VPS13C: variants seen among roughly 807,000 people sequenced by gnomAD.
VPS13C encodes vacuolar protein sorting 13 homolog C.
In VPS13C, 358 loss-of-function variants were observed where a neutral mutation model predicts 456.8. The observed-to-expected ratio is 0.78, with a 90% CI of 0.72 to 0.86. The LOEUF (loss-of-function observed/expected upper bound fraction) is 0.86, where lower values mean the gene tolerates loss of function less well. VPS13C is among the 40% of genes least tolerant of loss of function. The pLI is 0.00. For missense variants in VPS13C, 4,818 were observed against 4,385.4 expected (o/e 1.10, Z -2.79); for synonymous variants, 1,578 against 1,486.7 (o/e 1.06, Z -1.41).
intron 66 of VPS13C, among the ~76,000 whole-genome samples, chr15:61,906,166 T>C (rs1444809539): frequency 6.6e-6 from 1 of 152,188 alleles, no homozygotes; most frequent in African/African-American, 2.4e-5. Flanking sequence ...TGATTTTCTT[T>C]GAACTCCCCT....
At chr15:62,055,924 T>C in intron 1 of VPS13C, among the ~76,000 whole-genome samples, 1 of 152,148 alleles carries the variant, frequency 6.6e-6, no homozygotes, top group East Asian at 1.9e-4. Flanking sequence ...GTCCTCTGCA[T>C]TGTAGAATGT....
At chr15:61,960,786 G>T (rs550167137) in intron 35 of VPS13C, among the ~76,000 whole-genome samples, 2 of 152,248 alleles carry the variant, frequency 1.3e-5, no homozygotes, top group South Asian at 4.1e-4. Context: ...TTAAAAAACT[G>T]TTCTGGTGGC....
chr15:62,059,176 T>C (rs72749765), intron 1 of VPS13C, among the ~76,000 whole-genome samples: 381 of 152,346 alleles, frequency 2.5e-3, no homozygotes, highest in Non-Finnish European at 4.5e-3. Flanking sequence ...TTTTTTCTCC[T>C]ACTTCATTAG....
Position 61,978,760 on chromosome 15 carries a change from G to C in VPS13C, c.2167-11C>G, listed in dbSNP as rs754471759. On this transcript the variant is annotated splice_polypyrimidine_tract_variant and intron_variant, in intron 22 of 84. Coordinates refer to ENST00000644861, the MANE Select transcript of VPS13C (RefSeq NM_020821.3). ...ATCTTTACTGTTGAGCTAAAATGAA[G>C]GACAAATTTCAATTTTTTTTTCCAA... 5.7e-6 allele frequency: 9 copies of C among 1,565,328 alleles called. No individual in the cohort carries two copies. Among genetic ancestry groups the C allele is most frequent in the Non-Finnish European group, 6.9e-6 (8 of 1,161,946 alleles).
intron 6 of VPS13C, among the ~76,000 whole-genome samples, chr15:62,024,519 C>A (rs2047568528): frequency 6.6e-6 from 1 of 152,072 alleles, no homozygotes; most frequent in African/African-American, 2.4e-5. Flanking sequence ...TCAGGCATCA[C>A]CTCCACCCTG....
At chr15:61,989,623 A>G (rs1219636832) in intron 18 of VPS13C, among the ~76,000 whole-genome samples, 1 of 152,210 alleles carries the variant, frequency 6.6e-6, no homozygotes, top group Admixed American at 6.5e-5. Flanking sequence ...ACAAAATAGC[A>G]TATCTAAAGA....
intron 8 of VPS13C, among the ~76,000 whole-genome samples, chr15:62,021,298 A>T (rs12440748): frequency 0.059 from 9,014 of 151,696 alleles, 470 homozygotes; most frequent in East Asian, 0.21. Context: ...TACACATTTT[A>T]AAAAAAAGGC....
intron 68 of VPS13C, 122 bp from the exon 69 acceptor site, chr15:61,882,858 T>G: frequency 1.0e-6 from 1 of 966,314 alleles, no homozygotes; most frequent in Non-Finnish European, 1.4e-6. Context: ...CCAACAGATC[T>G]ATCTTAAGGT....
At chr15:61,936,151 T>G (rs187021390) in intron 48 of VPS13C, among the ~76,000 whole-genome samples, 1 of 152,312 alleles carries the variant, frequency 6.6e-6, no homozygotes, top group Non-Finnish European at 1.5e-5. Context: ...TCTGAAAAAT[T>G]ATCTTATGTA....
At chr15:61,860,431 C>T (rs977672843) in intron 82 of VPS13C, among the ~76,000 whole-genome samples, 2 of 152,018 alleles carry the variant, frequency 1.3e-5, no homozygotes, top group African/African-American at 4.8e-5. Flanking sequence ...TGGCGATATA[C>T]AGAAAGGACC....
intron 12 of VPS13C, 49 bp downstream of exon 12, chr15:62,012,058 A>C: frequency 8.7e-7 from 1 of 1,153,112 alleles, no homozygotes; most frequent in East Asian, 2.5e-5. Context: ...AATGTATTTA[A>C]TTCTATGTTT....
chr15:62,025,532 C>T (rs2047608347), intron 6 of VPS13C, among the ~76,000 whole-genome samples: 1 of 152,076 alleles, frequency 6.6e-6, no homozygotes, highest in Non-Finnish European at 1.5e-5. Flanking sequence ...CTTTCAAAGA[C>T]ATAGACTCAG....
intron 47 of VPS13C, among the ~76,000 whole-genome samples, chr15:61,938,460 G>C (rs2044302571): frequency 6.6e-6 from 1 of 152,042 alleles, no homozygotes; most frequent in Admixed American, 6.5e-5. Context: ...CTGCATCCCA[G>C]GCCCAGGAAA....
chr15:61,948,722 T>A (rs1007286951), intron 42 of VPS13C, among the ~76,000 whole-genome samples: 7 of 151,918 alleles, frequency 4.6e-5, no homozygotes, highest in Non-Finnish European at 1.0e-4. Flanking sequence ...GTACCTGATC[T>A]AACAGTACTG....
chr15:62,045,898 T>C (rs2048384829), intron 1 of VPS13C, among the ~76,000 whole-genome samples: 1 of 152,122 alleles, frequency 6.6e-6, no homozygotes, highest in Non-Finnish European at 1.5e-5. Context: ...AATATTGAGT[T>C]TTTTAAAAAG....
At chr15:62,033,330 A>C (rs753957021) in intron 5 of VPS13C, 111 bp downstream of exon 5, 22 of 580,314 alleles carry the variant, frequency 3.8e-5, no homozygotes, top group Non-Finnish European at 5.6e-5. Context: ...AAAAAAAATT[A>C]TGTCTTTAGA....
Position 61,867,746 on chromosome 15 carries a change from C to T in VPS13C, c.10863+913G>A. 1 of 1,461,806 alleles carries T rather than the reference C, an allele frequency of 6.8e-7. No individual in the cohort carries two copies. The highest frequency in any genetic ancestry group is 2.6e-5 in the East Asian group (1 of 38,328). The allele number at this position is 1,461,806 out of a possible 1,614,324, so 90.6% of individuals were successfully genotyped here. A position where few individuals can be genotyped will look rare whatever the true frequency, so the allele number is the denominator to read the frequency against. On this transcript the variant is annotated intron_variant, in intron 81 of 84. Coordinates refer to ENST00000644861, the MANE Select transcript of VPS13C (RefSeq NM_020821.3). This position sits in a 1 kb window ranked among gnomAD's most constrained non-coding sequence, Gnocchi z 5.0. ...ATCTCTTATTTCTGGACAGTATTAC[C>T]AGGAATACCACAAGTTTTTATTTGT...
At chr15:61,940,504 G>T in intron 47 of VPS13C, 143 bp downstream of exon 47, 1 of 679,952 alleles carries the variant, frequency 1.5e-6, no homozygotes, top group Non-Finnish European at 2.2e-6. Flanking sequence ...ACATACAACA[G>T]ACAAATGCTC....
intron 66 of VPS13C, among the ~76,000 whole-genome samples, chr15:61,899,355 A>C (rs1181919752): frequency 6.8e-6 from 1 of 146,690 alleles, no homozygotes; most frequent in African/African-American, 2.5e-5. Flanking sequence ...ATAGACTGCT[A>C]GCAAGACTAA....
Sources: gnomAD v4.1 joint callset for allele counts (sites outside exome capture counted in the v4.1 genomes callset) on GRCh38, gnomAD v4.1.1 for gene constraint, Gnocchi (gnomAD v3.1) non-coding constraint, MANE v1.5 for transcripts, NCBI Gene and HGNC (gene_info 2026-07-23, HGNC 2026-07-21) for gene names.